Variants in ATG13 observed in about 807,000 individuals in gnomAD.
The protein encoded by ATG13 is autophagy related 13.
In ATG13, 23 loss-of-function variants were observed where a neutral mutation model predicts 65.5. The ratio of observed to expected loss-of-function variants is 0.35; its 90% CI spans 0.25 to 0.50. The LOEUF (loss-of-function observed/expected upper bound fraction) is 0.50. Among genes scored for constraint, ATG13 ranks in the 20% least tolerant of loss-of-function variants. The pLI, the probability that ATG13 is intolerant of heterozygous loss-of-function variation, is 0.98. For synonymous variants in ATG13, 252 were observed against 245.2 expected, an observed-to-expected ratio of 1.03 and a Z score of -0.26; for missense variants, 566 against 677.0, an observed-to-expected ratio of 0.84 and a Z score of 1.82.
intron 18 of ATG13, among the ~76,000 whole-genome samples, chr11:46,669,781 C>T (rs1371968646): frequency 3.3e-5 from 5 of 152,106 alleles, no homozygotes; most frequent in African/African-American, 1.2e-4. Flanking sequence ...TGTTCTGTGC[C>T]TGACGTCTTC....
In ATG13 at chr11:46,642,304, G is replaced by GTTTT. The variant is rs200225497; in HGVS notation, c.-13-1958_-13-1955dup. Among the ~76,000 whole-genome samples, 27 of 107,902 alleles carry GTTTT rather than the reference G, an allele frequency of 2.5e-4. 1 individual carries two copies. Among genetic ancestry groups the GTTTT allele is most frequent in the South Asian group, 1.9e-3 (6 of 3,206 alleles). The allele number at this position is 107,902 out of a possible 152,430, so 70.8% of individuals were successfully genotyped here. On this transcript the variant is annotated intron_variant, in intron 2 of 18. Coordinates refer to ENST00000683050, the MANE Select transcript of ATG13 (RefSeq NM_001346311.2). Reference sequence around the variant, plus strand: ...CTTCCTTGTTTTTTTATTTTTGTGGGTTTTTTTTTTTTTTTTTTTTGGATG... The same window carrying GTTTT: ...CTTCCTTGTTTTTTTATTTTTGTGGGTTTTTTTTTTTTTTTTTTTTTTTTGGATG...
rs1341198705 is a variant in ATG13, at chr11:46,659,579, A to C, written c.789+94A>C. 6 of 1,002,090 alleles carry C rather than the reference A, an allele frequency of 6.0e-6. No homozygotes were observed. In the African/African-American group the frequency reaches 8.0e-5, roughly 13 times the overall value. The allele number at this position is 1,002,090 out of a possible 1,614,324, so 62.1% of individuals were successfully genotyped here. A position where few individuals can be genotyped will look rare whatever the true frequency, so the allele number is the denominator to read the frequency against. ...CCAAATTTAGCTACAATCCCTTTTA[A>C]TAGTGGTGGTGATTGTTTCAAAGGG... is the stretch of plus-strand genomic sequence containing the variant. On this transcript the variant is annotated intron_variant, in intron 11 of 18. Transcript: ENST00000683050.
intron 13 of ATG13, 90 bp downstream of exon 13, chr11:46,665,049 T>C: frequency 8.0e-7 from 1 of 1,251,238 alleles, no homozygotes. Context: ...CAGAGGGATA[T>C]GTTCTAAGTG....
In ATG13 at chr11:46,665,410, G is replaced by T; in HGVS notation, c.1027G>T (p.Val343Leu). 2 of 1,614,010 alleles carry T rather than the reference G, an allele frequency of 1.2e-6. No individual in the cohort carries two copies. The highest frequency in any genetic ancestry group is 1.1e-5 in the South Asian group (1 of 91,080). Residue 343 changes from valine to leucine, a missense_variant, in exon 14 of 19, where the codon GTA becomes TTA. Physicochemically the swap from Val to Leu is conservative, Grantham distance 32. Coordinates refer to ENST00000683050, the MANE Select transcript of ATG13 (RefSeq NM_001346311.2). ...GATGGTTCCTGGGAAGGAAGGTGGG[G>T]TACCCCTTGCTCCCAACCAGCCTGT... ...QLMVPGKEGG[V>L]PLAPNQPVHG...
intron 1 of ATG13, among the ~76,000 whole-genome samples, chr11:46,628,220 C>T (rs71474186): frequency 1.3e-5 from 2 of 151,900 alleles, no homozygotes; most frequent in Non-Finnish European, 2.9e-5. Context: ...TTGGCCAACA[C>T]GGTGAAACCC....
intron 2 of ATG13, among the ~76,000 whole-genome samples, chr11:46,631,668 A>C (rs1405184644): frequency 6.6e-6 from 1 of 152,196 alleles, no homozygotes; most frequent in Non-Finnish European, 1.5e-5. Flanking sequence ...GTTCAAGACC[A>C]GCCTGGGGAA....
At chr11:46,633,681 C>T (rs1350182461) in intron 2 of ATG13, among the ~76,000 whole-genome samples, 1 of 151,922 alleles carries the variant, frequency 6.6e-6, no homozygotes, top group Non-Finnish European at 1.5e-5. Context: ...CATGGTGTTG[C>T]GAGTTTATAG....
intron 11 of ATG13, among the ~76,000 whole-genome samples, chr11:46,662,206 A>C (rs1409923323): frequency 6.6e-6 from 1 of 152,198 alleles, no homozygotes; most frequent in Admixed American, 6.5e-5. Flanking sequence ...ATTAACTTGT[A>C]GATATGTCTA....
chr11:46,668,224 G>GC (rs1282605942), intron 15 of ATG13, among the ~76,000 whole-genome samples: 1 of 152,212 alleles, frequency 6.6e-6, no homozygotes, highest in African/African-American at 2.4e-5. Context: ...GGCCAGTGAA[G>GC]CACATTATTA....
At chr11:46,627,946 G>A (rs889152458) in intron 1 of ATG13, among the ~76,000 whole-genome samples, 1 of 152,012 alleles carries the variant, frequency 6.6e-6, no homozygotes, top group Admixed American at 6.6e-5. Context: ...TTAGCTGGGT[G>A]TGGTGGCATG....
chr11:46,651,845 T>C (rs1438997840), intron 7 of ATG13, among the ~76,000 whole-genome samples: 1 of 152,222 alleles, frequency 6.6e-6, no homozygotes, highest in Non-Finnish European at 1.5e-5. Flanking sequence ...AGACTTCTAT[T>C]GAGATATATT....
chr11:46,631,992 G>A (rs1013285101), intron 2 of ATG13, among the ~76,000 whole-genome samples: 1 of 152,180 alleles, frequency 6.6e-6, no homozygotes. Flanking sequence ...GATGTGCAGA[G>A]ATGTTGCAAA....
At chr11:46,664,243 C>T (rs1565603070) in intron 12 of ATG13, 148 bp downstream of exon 12, 2 of 616,562 alleles carry the variant, frequency 3.2e-6, no homozygotes, top group East Asian at 3.1e-5. Context: ...TAATAGGACA[C>T]AGCCACGGCC....
At position 46,668,829 on chromosome 11, in the gene ATG13, T is replaced by G. The variant is rs761860719; in HGVS notation, c.1365T>G (p.Pro455=). 1.9e-6 allele frequency: 3 copies of G among 1,613,902 alleles called. No homozygotes were observed. The Admixed American group carries it at 5.0e-5, about 27-fold the overall frequency. ...CAGATTCCCCAGAGACTGAATCTCCTCTCCAGGGCAGCCTGCACTCAGATG... is the reference window on the plus strand; with the variant it reads ...CAGATTCCCCAGAGACTGAATCTCCGCTCCAGGGCAGCCTGCACTCAGATG... The part of the protein sequence containing the change: ...NPPDSPETES[P]LQGSLHSDGS... Residue 455 remains proline (P), a synonymous_variant, in exon 17 of 19, where the codon CCT becomes CCG. Coordinates refer to ENST00000683050, the MANE Select transcript of ATG13 (RefSeq NM_001346311.2).
At chr11:46,625,521 C>A (rs530440976) in intron 1 of ATG13, 7 of 152,032 alleles carry the variant, frequency 4.6e-5, no homozygotes, top group Non-Finnish European at 7.4e-5. Flanking sequence ...GCCTCGGCCT[C>A]CTAAAGTATT....
intron 1 of ATG13, among the ~76,000 whole-genome samples, chr11:46,628,266 G>A (rs1289479508): frequency 6.6e-6 from 1 of 152,012 alleles, no homozygotes; most frequent in Non-Finnish European, 1.5e-5. Context: ...AGCTGGTGTG[G>A]TGGCATGTGC....
intron 18 of ATG13, among the ~76,000 whole-genome samples, chr11:46,671,825 A>G (rs925849867): frequency 6.6e-5 from 10 of 152,242 alleles, no homozygotes; most frequent in African/African-American, 2.2e-4. Context: ...TAGTGGGGCC[A>G]CCTGGTTCAC....
At chr11:46,635,189 T>C (rs2053530566) in intron 2 of ATG13, among the ~76,000 whole-genome samples, 1 of 151,606 alleles carries the variant, frequency 6.6e-6, no homozygotes, top group Admixed American at 6.6e-5. Context: ...GTATTTTTAG[T>C]AGAGACGGGT....
Position 46,650,207 on chromosome 11 carries a change from G to A in ATG13, c.348G>A (p.Thr116=), listed in dbSNP as rs759975268. The A allele has an allele frequency of 1.2e-6, 2 of 1,613,796 alleles. No homozygotes were observed. The highest frequency in any genetic ancestry group is 4.5e-5 in the East Asian group (2 of 44,886). Reference sequence around the variant, plus strand: ...ATAAAGAAATCAAAGTTTCCTACACGGTGTACAACAGACTGTCATTGCTGC... The same window carrying A: ...ATAAAGAAATCAAAGTTTCCTACACAGTGTACAACAGACTGTCATTGCTGC... ...KCDKEIKVSY[T]VYNRLSLLLK... The change falls in exon 7 of 19, where the codon ACG becomes ACA. Residue 116 remains threonine (T), a synonymous_variant. Coordinates refer to ENST00000683050, the MANE Select transcript of ATG13 (RefSeq NM_001346311.2).
Sources: gnomAD v4.1 joint callset for allele counts (sites outside exome capture counted in the v4.1 genomes callset) on GRCh38, gnomAD v4.1.1 for gene constraint, MANE v1.5 for transcripts, NCBI Gene and HGNC (gene_info 2026-07-23, HGNC 2026-07-21) for gene names.